B4GALNT3: variants seen among roughly 807,000 people sequenced by gnomAD.
B4GALNT3 encodes the protein beta-1,4-N-acetylgalactosaminyltransferase 3.
Under a neutral mutation model 120.2 loss-of-function variants are expected in B4GALNT3, and 86 were observed. The ratio of observed to expected loss-of-function variants is 0.72; its 90% CI spans 0.60 to 0.86. B4GALNT3 has a LOEUF of 0.86. Ranked by LOEUF, B4GALNT3 falls within the 40% of genes least tolerant of loss-of-function variation. B4GALNT3 has a pLI of 0.00. For missense variants in B4GALNT3, 1,167 were observed against 1,298.9 expected, an observed-to-expected ratio of 0.90 and a Z score of 1.56; for synonymous variants, 518 against 510.4, an observed-to-expected ratio of 1.01 and a Z score of -0.20.
chr12:469,999 TA>T (rs1213977687), intron 1 of B4GALNT3, among the ~76,000 whole-genome samples: 1 of 152,122 alleles, frequency 6.6e-6, no homozygotes, highest in Non-Finnish European at 1.5e-5. Flanking sequence ...GCTTTGTAAC[TA>T]ATTTGCCTGG....
chr12:554,039 C>T, intron 14 of B4GALNT3, 56 bp downstream of exon 14: 1 of 1,304,954 alleles, frequency 7.7e-7, no homozygotes, highest in Non-Finnish European at 1.1e-6. Flanking sequence ...AGCCAGCTGG[C>T]CTGGAAGGCA....
In B4GALNT3 at chr12:536,250, C is replaced by G; in HGVS notation, c.306C>G (p.Asn102Lys). 6.2e-7 allele frequency: 1 copy of G among 1,614,142 alleles called. No individual in the cohort carries two copies. The highest frequency in any genetic ancestry group is 8.5e-7 in the Non-Finnish European group (1 of 1,180,002). The change falls in exon 3 of 20, where the codon AAC becomes AAG. Residue 102 changes from asparagine to lysine, a missense_variant. By Grantham distance (94) the Asn-to-Lys change is moderately conservative (BLOSUM62 0). Transcript: ENST00000266383. The part of the protein sequence containing the change: ...DHDIDQGVSS[N>K]SSYLKWNKPV... ...ACATTGACCAAGGGGTGAGCAGTAA[C>G]AGCAGCTACTTGAAGTGGAACAAGC...
At position 561,398 on chromosome 12, in the gene B4GALNT3, C is replaced by A. The variant is rs747041543; in HGVS notation, c.2944C>A (p.His982Asn). 20 of 1,613,942 alleles carry A rather than the reference C, an allele frequency of 1.2e-5. No individual in the cohort carries two copies. The highest frequency in any genetic ancestry group is 1.5e-5 in the Non-Finnish European group (18 of 1,180,032). The change falls in exon 20 of 20, where the codon CAT (histidine) becomes AAT (asparagine). Residue 982 changes from histidine (H) to asparagine (N), a missense_variant. Physicochemically the swap from His to Asn is moderately conservative, Grantham distance 68. Coordinates refer to ENST00000266383, the MANE Select transcript of B4GALNT3 (RefSeq NM_173593.4). Reference sequence around the variant, plus strand: ...TCTCTCCCTCAGGAATTTCTTCCATCATTTCCATTCCAAGCGAGGCATGTG... The same window carrying A: ...TCTCTCCCTCAGGAATTTCTTCCATAATTTCCATTCCAAGCGAGGCATGTG... ...ERLSLRNFFHHFHSKRGMWSR... is the reference protein window; with the variant it reads ...ERLSLRNFFHNFHSKRGMWSR...
At chr12:483,331 G>A (rs1333648410) in intron 1 of B4GALNT3, among the ~76,000 whole-genome samples, 1 of 152,226 alleles carries the variant, frequency 6.6e-6, no homozygotes, top group African/African-American at 2.4e-5. Context: ...GTGGAGTTAG[G>A]TAAGGAGAAA....
At chr12:543,115 G>A (rs895965755) in intron 3 of B4GALNT3, 3 of 1,289,298 alleles carry the variant, frequency 2.3e-6, no homozygotes, top group Non-Finnish European at 3.0e-6. Context: ...CTTCCTGCAT[G>A]GGAGGTCCAG....
chr12:556,325 A>T (rs1408179031), intron 14 of B4GALNT3, among the ~76,000 whole-genome samples: 1 of 152,160 alleles, frequency 6.6e-6, no homozygotes, highest in Non-Finnish European at 1.5e-5. Flanking sequence ...GCTGTAAAAG[A>T]CCTTCAGGAT....
intron 1 of B4GALNT3, among the ~76,000 whole-genome samples, chr12:513,718 G>A (rs2120596694): frequency 6.6e-6 from 1 of 152,324 alleles, no homozygotes; most frequent in Admixed American, 6.5e-5. Context: ...TATTCAAGGT[G>A]GAGTTGCTCC....
intron 1 of B4GALNT3, among the ~76,000 whole-genome samples, chr12:481,571 C>T (rs1322985650): frequency 6.6e-6 from 1 of 152,228 alleles, no homozygotes; most frequent in East Asian, 1.9e-4. Flanking sequence ...TGAGGCCAGG[C>T]AGACAGGCCC....
intron 6 of B4GALNT3, among the ~76,000 whole-genome samples, chr12:546,192 C>G (rs1300345775): frequency 6.7e-5 from 6 of 89,398 alleles, no homozygotes; most frequent in African/African-American, 2.7e-4. Context: ...GAGAAGTGGG[C>G]AGGGGGTGTG....
intron 1 of B4GALNT3, among the ~76,000 whole-genome samples, chr12:525,506 C>T (rs750823388): frequency 6.6e-6 from 1 of 152,230 alleles, no homozygotes; most frequent in African/African-American, 2.4e-5. Flanking sequence ...AGCCACACTC[C>T]TGACTGTATT....
intron 1 of B4GALNT3, among the ~76,000 whole-genome samples, chr12:473,011 G>T (rs116618968): frequency 0.024 from 3,477 of 142,382 alleles, 139 homozygotes; most frequent in African/African-American, 0.087. Context: ...ACAGAATCTT[G>T]CTTTTTCACC....
rs1206940544 is a variant in B4GALNT3 at position 460,954 on chromosome 12, C to T, written c.169+409C>T. Among the ~76,000 whole-genome samples the T allele has an allele frequency of 1.3e-5, 2 of 152,198 alleles. No homozygotes were observed. The highest frequency in any genetic ancestry group is 4.8e-5 in the African/African-American group (2 of 41,468). On this transcript the variant is annotated intron_variant, in intron 1 of 19. Coordinates refer to ENST00000266383, the MANE Select transcript of B4GALNT3 (RefSeq NM_173593.4). This position sits in a 1 kb window ranked among gnomAD's most constrained non-coding sequence, Gnocchi z 8.0. Reference sequence around the variant, plus strand: ...AGCTAGGGATTCGGGTGCGGGATGCCCTCGGCCGTCCACACCCAGGCGCGC... The same window carrying T: ...AGCTAGGGATTCGGGTGCGGGATGCTCTCGGCCGTCCACACCCAGGCGCGC...
chr12:511,679 G>A (rs200429650), intron 1 of B4GALNT3, among the ~76,000 whole-genome samples: 6,149 of 55,710 alleles, frequency 0.11, 78 homozygotes, highest in East Asian at 0.19. Context: ...TCCGCCTTCC[G>A]CCTTCCACCT....
rs370197985 is a variant in B4GALNT3, at chr12:478,272, AT to A, written c.169+17729del. ...CTTTAAAAAAAAAAAAAAAAAAAAA[AT>A]TAGAGGAGGTAAAAAAAAAAAAAAT... On this transcript the variant is annotated intron_variant, in intron 1 of 19. Coordinates refer to ENST00000266383, the MANE Select transcript of B4GALNT3 (RefSeq NM_173593.4). Among the ~76,000 whole-genome samples, 50 of 47,576 alleles carry A rather than the reference AT, an allele frequency of 1.1e-3. 5 individuals are homozygous for A. Among genetic ancestry groups the A allele is most frequent in the East Asian group, 1.5e-3 (2 of 1,292 alleles). 31.2% of individuals were successfully genotyped at this position (47,576 alleles called of 152,430 possible).
chr12:522,904 T>C (rs917281683), intron 1 of B4GALNT3, among the ~76,000 whole-genome samples: 13 of 135,180 alleles, frequency 9.6e-5, no homozygotes, highest in African/African-American at 3.7e-4. Context: ...ACCACTGTAC[T>C]CTGCACTCCA....
chr12:542,942 C>G lies in B4GALNT3; in HGVS notation c.352-1397C>G, dbSNP rs143784944. On this transcript the variant is annotated intron_variant, in intron 3 of 19. Coordinates refer to ENST00000266383, the MANE Select transcript of B4GALNT3 (RefSeq NM_173593.4). ...GACCACTGGGTAGATAAGGTTTCAC[C>G]GGCAGACAGCTGTGGCGCTTTCCTC... 3.4e-3 allele frequency among the ~76,000 whole-genome samples: 513 copies of G among 152,180 alleles called. 5 individuals are homozygous for G. Among genetic ancestry groups the G allele is most frequent in the African/African-American group, 0.012 (492 of 41,530 alleles).
chr12:477,995 A>G (rs1946199816), intron 1 of B4GALNT3, among the ~76,000 whole-genome samples: 1 of 152,190 alleles, frequency 6.6e-6, no homozygotes, highest in African/African-American at 2.4e-5. Flanking sequence ...AATGCCTGCA[A>G]TCCTGGCACT....
At chr12:533,030 T>A (rs1192473452) in intron 1 of B4GALNT3, among the ~76,000 whole-genome samples, 3 of 152,140 alleles carry the variant, frequency 2.0e-5, no homozygotes, top group East Asian at 3.9e-4. Flanking sequence ...AAGTTTTTAG[T>A]CATAAGAATG....
intron 1 of B4GALNT3, among the ~76,000 whole-genome samples, chr12:466,905 G>A (rs1946086573): frequency 6.6e-6 from 1 of 151,908 alleles, no homozygotes; most frequent in Non-Finnish European, 1.5e-5. Context: ...AGCTTGATGA[G>A]CAGTTTTCAC....
Sources: allele counts gnomAD v4.1 joint callset (sites outside exome capture counted in the v4.1 genomes callset), GRCh38; gene constraint gnomAD v4.1.1; non-coding constraint Gnocchi (gnomAD v3.1); transcripts MANE v1.5; gene names NCBI Gene and HGNC (gene_info 2026-07-23, HGNC 2026-07-21).